Variants in COL21A1 observed in about 807,000 individuals in gnomAD.
COL21A1 encodes collagen type XXI alpha 1 chain.
A neutral mutation model predicts 137.9 loss-of-function variants in COL21A1; 149 were observed. The observed-to-expected ratio is 1.08, with a 90% confidence interval of 0.95 to 1.24. The LOEUF is 1.24. COL21A1 is among the 50% of genes most tolerant of loss of function. The pLI, the probability that COL21A1 is intolerant of heterozygous loss-of-function variation, is 0.00. For missense variants in COL21A1, 1,167 were observed against 1,158.4 expected, an observed-to-expected ratio of 1.01 and a Z score of -0.11; for synonymous variants, 456 against 391.5, an observed-to-expected ratio of 1.16 and a Z score of -1.95.
intron 1 of COL21A1, among the ~76,000 whole-genome samples, chr6:56,347,537 A>AAG (rs1765623153): frequency 2.7e-5 from 4 of 150,926 alleles, no homozygotes; most frequent in South Asian, 4.2e-4. Flanking sequence ...AAAAAAAAAA[A>AAG]GCAAAGCAGT....
rs556395110 is a variant in COL21A1 at position 56,336,164 on chromosome 6, C to G, written c.-39+57807G>C. ...CTCAGCTGGGGACTTGTTAGATATGCAAATTCTCTGACCACTTCCCCACTG... is the reference window on the plus strand; with the variant it reads ...CTCAGCTGGGGACTTGTTAGATATGGAAATTCTCTGACCACTTCCCCACTG... On this transcript the variant is annotated intron_variant, in intron 1 of 28. Coordinates refer to the COL21A1 transcript ENST00000370819. Among the ~76,000 whole-genome samples, 26 of 152,306 alleles carry G rather than the reference C, an allele frequency of 1.7e-4. No homozygotes were observed. The South Asian group carries it at 5.4e-3, about 32-fold the overall frequency.
intron 1 of COL21A1, among the ~76,000 whole-genome samples, chr6:56,235,834 A>T (rs1562012231): frequency 6.6e-6 from 1 of 151,998 alleles, no homozygotes; most frequent in Non-Finnish European, 1.5e-5. Flanking sequence ...ACAAAAAAAA[A>T]ATCTTAACTG....
rs534724146 is a variant in COL21A1, at chr6:56,142,993, G to T, written c.1435-1010C>A. Among the ~76,000 whole-genome samples, 37 of 152,170 alleles carry T rather than the reference G, an allele frequency of 2.4e-4. 1 individual carries two copies. The Middle Eastern group carries it at 0.014, about 56-fold the overall frequency. On this transcript the variant is annotated intron_variant, in intron 10 of 29. Transcript: ENST00000244728. The stretch of plus-strand genomic sequence containing the variant: ...CTCATCTGTCAATATGTTTTTAACT[G>T]TAATTTTAGAGACATCACAATTCCC...
intron 1 of COL21A1, among the ~76,000 whole-genome samples, chr6:56,273,831 A>C (rs1763582160): frequency 6.6e-6 from 1 of 152,232 alleles, no homozygotes; most frequent in African/African-American, 2.4e-5. Flanking sequence ...ATTCCAAAAA[A>C]GGAATTCTAT....
intron 1 of COL21A1, among the ~76,000 whole-genome samples, chr6:56,207,252 C>G (rs1023394014): frequency 5.9e-5 from 9 of 152,080 alleles, no homozygotes; most frequent in African/African-American, 2.2e-4. Context: ...AATCCGGGAG[C>G]TGGTTTTTTG....
intron 17 of COL21A1, among the ~76,000 whole-genome samples, chr6:56,098,612 TATAAATATATATAA>T (rs1770030822): frequency 1.8e-5 from 1 of 56,726 alleles, no homozygotes; most frequent in Non-Finnish European, 2.7e-5. Context: ...TATAAATATA[TATAAATATATATAA>T]ATATATATAT....
chr6:56,146,649 A>T (rs1464623624), intron 10 of COL21A1, among the ~76,000 whole-genome samples: 1 of 152,094 alleles, frequency 6.6e-6, no homozygotes, highest in East Asian at 1.9e-4. Flanking sequence ...AGAAAGCACA[A>T]TGCCTAAGAG....
chr6:56,097,042 C>T (rs541448570), intron 17 of COL21A1, among the ~76,000 whole-genome samples: 1 of 152,022 alleles, frequency 6.6e-6, no homozygotes, highest in African/African-American at 2.4e-5. Flanking sequence ...GTTACGCTAT[C>T]TGTTCTTATT....
intron 1 of COL21A1, among the ~76,000 whole-genome samples, chr6:56,294,091 G>T (rs545282551): frequency 3.9e-5 from 6 of 152,176 alleles, no homozygotes; most frequent in African/African-American, 1.4e-4. Flanking sequence ...AAATTGTTAT[G>T]TTACTCTACC....
intron 17 of COL21A1, among the ~76,000 whole-genome samples, chr6:56,087,060 CCTTTT>C (rs1260859379): frequency 8.0e-6 from 1 of 125,656 alleles, no homozygotes; most frequent in Non-Finnish European, 1.6e-5. Flanking sequence ...TGTCCCTTCA[CCTTTT>C]GTTTTGTTTT....
At chr6:56,309,968 T>C (rs1179270088) in intron 1 of COL21A1, among the ~76,000 whole-genome samples, 3 of 152,206 alleles carry the variant, frequency 2.0e-5, no homozygotes, top group African/African-American at 7.2e-5. Flanking sequence ...AGGGAGACTG[T>C]AGTCATAATT....
At chr6:56,148,869 G>A (rs376716902) in intron 10 of COL21A1, among the ~76,000 whole-genome samples, 18 of 152,108 alleles carry the variant, frequency 1.2e-4, no homozygotes, top group African/African-American at 4.3e-4. Flanking sequence ...TCTGAGTTCT[G>A]GCCCACTCCA....
chr6:56,149,384 G>A (rs1300051176), intron 10 of COL21A1, among the ~76,000 whole-genome samples: 1 of 152,114 alleles, frequency 6.6e-6, no homozygotes, highest in Non-Finnish European at 1.5e-5. Flanking sequence ...GTAGTCAGAA[G>A]AAACATTTAC....
At chr6:56,239,921 C>T (rs1329028908) in intron 1 of COL21A1, among the ~76,000 whole-genome samples, 1 of 152,232 alleles carries the variant, frequency 6.6e-6, no homozygotes. Context: ...TCATAGCTCC[C>T]ATAATTCCAA....
intron 1 of COL21A1, among the ~76,000 whole-genome samples, chr6:56,201,865 T>TA (rs1168899335): frequency 1.3e-5 from 2 of 152,176 alleles, no homozygotes; most frequent in African/African-American, 4.8e-5. Flanking sequence ...ATTTAACTGT[T>TA]ACATTTTAGT....
chr6:56,173,396 G>A (rs1425360149), intron 3 of COL21A1, among the ~76,000 whole-genome samples: 3 of 150,932 alleles, frequency 2.0e-5, no homozygotes, highest in South Asian at 2.1e-4. Flanking sequence ...AGAAGGGGAA[G>A]GGGAAGGAAG....
chr6:56,077,611 A>G, intron 17 of COL21A1, 38 bp from the exon 18 acceptor site: 3 of 1,279,658 alleles, frequency 2.3e-6, no homozygotes, highest in South Asian at 2.8e-5. Flanking sequence ...CTTATAAAAA[A>G]TTGAAGACTT....
At chr6:56,153,641 C>T (rs1775497622) in intron 10 of COL21A1, among the ~76,000 whole-genome samples, 3 of 152,046 alleles carry the variant, frequency 2.0e-5, no homozygotes, top group Admixed American at 2.0e-4. Context: ...TTTGTACTAC[C>T]CTCCCTGAAA....
chr6:56,216,858 T>C (rs556254223), intron 1 of COL21A1, among the ~76,000 whole-genome samples: 1 of 152,156 alleles, frequency 6.6e-6, no homozygotes, highest in East Asian at 1.9e-4. Flanking sequence ...CACTTTTATT[T>C]CTAAAATAAC....
Sources: allele counts gnomAD v4.1 joint callset (sites outside exome capture counted in the v4.1 genomes callset), GRCh38; gene constraint gnomAD v4.1.1; transcripts MANE v1.5; gene names NCBI Gene and HGNC (gene_info 2026-07-23, HGNC 2026-07-21).